Variants in ROBO2 observed in about 807,000 individuals in gnomAD.
ROBO2 encodes the protein roundabout homolog 2.
A neutral mutation model predicts 160.8 loss-of-function variants in ROBO2; 53 were observed. That is an observed-to-expected ratio of 0.33 (90% CI 0.26 to 0.41). The LOEUF is 0.41. Among genes scored for constraint, ROBO2 ranks in the 10% least tolerant of loss-of-function variants. The pLI, the probability that ROBO2 is intolerant of heterozygous loss-of-function variation, is 1.00. For synonymous variants in ROBO2, 664 were observed against 611.7 expected (o/e 1.09, Z -1.26); for missense variants, 1,577 against 1,722.4 (o/e 0.92, Z 1.49).
chr3:77,289,369 C>G (rs2060883197), intron 2 of ROBO2, among the ~76,000 whole-genome samples: 1 of 151,694 alleles, frequency 6.6e-6, no homozygotes. Flanking sequence ...TAAGCTGAGA[C>G]TAGATCACCC....
At chr3:77,139,270 G>T (rs1372951757) in intron 2 of ROBO2, among the ~76,000 whole-genome samples, 1 of 152,080 alleles carries the variant, frequency 6.6e-6, no homozygotes, top group East Asian at 1.9e-4. Flanking sequence ...ATTTTCTGAT[G>T]TTGAAAACCT....
intron 2 of ROBO2, among the ~76,000 whole-genome samples, chr3:77,257,391 A>C (rs2058489133): frequency 6.6e-6 from 1 of 152,146 alleles, no homozygotes; most frequent in Non-Finnish European, 1.5e-5. Context: ...TCTTTTGAAC[A>C]CTGAGATGTG....
intron 5 of ROBO2, among the ~76,000 whole-genome samples, chr3:77,506,106 C>A (rs1450787990): frequency 6.6e-6 from 1 of 152,068 alleles, no homozygotes; most frequent in African/African-American, 2.4e-5. Flanking sequence ...AACCTCAGGT[C>A]TCTCTAATAT....
chr3:76,642,341 C>CTTTTTTTTTTTTTTT (rs71104611), intron 2 of ROBO2, among the ~76,000 whole-genome samples: 1 of 62,230 alleles, frequency 1.6e-5, no homozygotes, highest in African/African-American at 7.2e-5. Context: ...TTTACACTTG[C>CTTTTTTTTTTTTTTT]TTTTTTTTTT....
chr3:76,612,086 T>G (rs1446234410), intron 2 of ROBO2, among the ~76,000 whole-genome samples: 1 of 152,230 alleles, frequency 6.6e-6, no homozygotes, highest in Non-Finnish European at 1.5e-5. Context: ...AGTCACTAAT[T>G]TCTAGTTTTA....
intron 2 of ROBO2, among the ~76,000 whole-genome samples, chr3:76,441,397 T>G (rs1201269847): frequency 1.3e-5 from 2 of 152,160 alleles, no homozygotes; most frequent in Admixed American, 6.6e-5. Flanking sequence ...ATTCAAAGCT[T>G]GTATAAAGAA....
chr3:76,179,107 C>G (rs915816541), intron 2 of ROBO2, among the ~76,000 whole-genome samples: 1 of 151,988 alleles, frequency 6.6e-6, no homozygotes, highest in Non-Finnish European at 1.5e-5. Flanking sequence ...TAACTTAGAG[C>G]AGCTCATTCG....
At chr3:75,993,356 A>G (rs548111485) in intron 2 of ROBO2, among the ~76,000 whole-genome samples, 82 of 152,280 alleles carry the variant, frequency 5.4e-4, no homozygotes, top group African/African-American at 1.4e-3. Context: ...TTTAAAAAGA[A>G]GAATTCCCCT....
chr3:77,234,936 G>A (rs2087738291), intron 2 of ROBO2, among the ~76,000 whole-genome samples: 2 of 151,990 alleles, frequency 1.3e-5, no homozygotes, highest in Non-Finnish European at 2.9e-5. Context: ...TAATTCCAAG[G>A]GTTTTGATGA....
At chr3:76,511,134 T>C (rs562937843) in intron 2 of ROBO2, among the ~76,000 whole-genome samples, 1 of 152,312 alleles carries the variant, frequency 6.6e-6, no homozygotes, top group East Asian at 1.9e-4. Context: ...AGACACTGAA[T>C]GCAGCTGACG....
intron 2 of ROBO2, among the ~76,000 whole-genome samples, chr3:77,363,959 G>A (rs952878761): frequency 6.6e-6 from 1 of 152,098 alleles, no homozygotes; most frequent in Non-Finnish European, 1.5e-5. Context: ...ATTTCCTTTA[G>A]TTCAAAGTCC....
intron 2 of ROBO2, among the ~76,000 whole-genome samples, chr3:77,321,842 G>A (rs2064737576): frequency 6.6e-6 from 1 of 152,124 alleles, no homozygotes; most frequent in Admixed American, 6.6e-5. Context: ...AACTAAGAGA[G>A]TACACCAAGG....
chr3:77,347,013 T>C (rs1265543218), intron 2 of ROBO2, among the ~76,000 whole-genome samples: 1 of 152,088 alleles, frequency 6.6e-6, no homozygotes, highest in East Asian at 1.9e-4. Context: ...CAGTAGTACC[T>C]GAGGGAGTAA....
intron 2 of ROBO2, among the ~76,000 whole-genome samples, chr3:77,172,586 G>C (rs961952132): frequency 6.6e-6 from 1 of 152,098 alleles, no homozygotes; most frequent in African/African-American, 2.4e-5. Context: ...GTTCTGTTGA[G>C]TGTTTTCAGT....
intron 2 of ROBO2, among the ~76,000 whole-genome samples, chr3:76,125,371 A>T (rs1829138): frequency 0.49 from 74,933 of 151,852 alleles, 20,126 homozygotes; most frequent in South Asian, 0.64. Flanking sequence ...CAGTCATGGG[A>T]TTGCTGGGTC....
chr3:76,802,552 C>G (rs146732928), intron 2 of ROBO2, among the ~76,000 whole-genome samples: 163 of 152,068 alleles, frequency 1.1e-3, no homozygotes, highest in African/African-American at 3.8e-3. Flanking sequence ...CACGGTGAAA[C>G]CCCGTCTCTA....
rs553813405 is a variant in ROBO2, at chr3:76,525,150, T to C, written c.110-572864T>C. Among the ~76,000 whole-genome samples, 3 of 151,982 alleles carry C rather than the reference T, an allele frequency of 2.0e-5. No individual in the cohort carries two copies. In the East Asian group the frequency reaches 5.8e-4, roughly 29 times the overall value. Reference sequence around the variant, plus strand: ...ACCCATTTTTTAAAATATCTAGCTCTAGTACATAGAGCTTCTAGTACATAG... The same window carrying C: ...ACCCATTTTTTAAAATATCTAGCTCCAGTACATAGAGCTTCTAGTACATAG... On this transcript the variant is annotated intron_variant, in intron 2 of 26. Transcript: ENST00000487694.
Position 76,522,035 on chromosome 3 carries a change from C to A in ROBO2, c.110-575979C>A, listed in dbSNP as rs530326564. On this transcript the variant is annotated intron_variant, in intron 2 of 26. Transcript: ENST00000487694. ...TTGTTTTTCAAGAATTTTGTGTAATCCTTCATCTAAATTAAAGAAATTGAC... is the reference window on the plus strand; with the variant it reads ...TTGTTTTTCAAGAATTTTGTGTAATACTTCATCTAAATTAAAGAAATTGAC... 7.2e-5 allele frequency among the ~76,000 whole-genome samples: 11 copies of A among 152,090 alleles called. No homozygotes were observed. In the East Asian group the frequency reaches 2.1e-3, roughly 29 times the overall value.
intron 2 of ROBO2, among the ~76,000 whole-genome samples, chr3:76,795,450 A>G (rs540600832): frequency 2.0e-5 from 3 of 152,286 alleles, no homozygotes; most frequent in East Asian, 3.9e-4. Flanking sequence ...ATGCTTTGTT[A>G]TCATTTTAAC....
Sources: gnomAD v4.1 joint callset for allele counts (sites outside exome capture counted in the v4.1 genomes callset) on GRCh38, gnomAD v4.1.1 for gene constraint, MANE v1.5 for transcripts, NCBI Gene and HGNC (gene_info 2026-07-23, HGNC 2026-07-21) for gene names.